Variants in EPHA5 observed in about 807,000 individuals in gnomAD.
EPHA5 encodes EPH receptor A5.
Under a neutral mutation model 105.0 loss-of-function variants are expected in EPHA5, and 60 were observed. The observed-to-expected ratio is 0.57, with a 90% confidence interval of 0.46 to 0.71. The LOEUF is 0.71. EPHA5 is among the 30% of genes least tolerant of loss of function. EPHA5 has a pLI of 0.00. For synonymous variants in EPHA5, 513 were observed against 449.1 expected, an observed-to-expected ratio of 1.14 and a Z score of -1.80; for missense variants, 1,218 against 1,274.7, an observed-to-expected ratio of 0.96 and a Z score of 0.68.
chr4:65,646,604 A>C (rs1384462847), intron 1 of EPHA5, among the ~76,000 whole-genome samples: 1 of 152,180 alleles, frequency 6.6e-6, no homozygotes, highest in Non-Finnish European at 1.5e-5. Context: ...CAAAGTTAAG[A>C]AACCCTGTTA....
At chr4:65,492,053 A>T (rs1323271827) in intron 4 of EPHA5, among the ~76,000 whole-genome samples, 1 of 152,168 alleles carries the variant, frequency 6.6e-6, no homozygotes, top group Non-Finnish European at 1.5e-5. Flanking sequence ...GCTACTTAGG[A>T]TGATCTGTTA....
intron 1 of EPHA5, among the ~76,000 whole-genome samples, chr4:65,658,040 A>G (rs1749227104): frequency 6.6e-6 from 1 of 151,988 alleles, no homozygotes; most frequent in Middle Eastern, 3.4e-3. Flanking sequence ...TACTTTTTAC[A>G]GGGATCTCTA....
chr4:65,435,560 TAAGGGTTTATAAACA>T (rs1725397081), intron 5 of EPHA5, among the ~76,000 whole-genome samples: 1 of 152,032 alleles, frequency 6.6e-6, no homozygotes, highest in Admixed American at 6.6e-5. Flanking sequence ...CCAGATAAAT[TAAGGGTTTATAAACA>T]AAGCACTTGT....
chr4:65,367,789 A>C (rs1449685620), intron 8 of EPHA5, among the ~76,000 whole-genome samples: 1 of 151,968 alleles, frequency 6.6e-6, no homozygotes, highest in Non-Finnish European at 1.5e-5. Flanking sequence ...TGAACTGCCC[A>C]AAAATGTGTG....
At chr4:65,510,368 C>A (rs1733500686) in intron 3 of EPHA5, among the ~76,000 whole-genome samples, 2 of 151,992 alleles carry the variant, frequency 1.3e-5, no homozygotes, top group South Asian at 4.1e-4. Context: ...GTTAGCAAGA[C>A]TTTAATTTAC....
chr4:65,387,136 G>A (rs1720177074), intron 8 of EPHA5, among the ~76,000 whole-genome samples: 1 of 151,936 alleles, frequency 6.6e-6, no homozygotes, highest in Non-Finnish European at 1.5e-5. Context: ...ACAATGCAGT[G>A]GGGGCGGGGG....
chr4:65,536,960 G>GTT (rs1050202983), intron 3 of EPHA5, among the ~76,000 whole-genome samples: 12 of 151,754 alleles, frequency 7.9e-5, no homozygotes, highest in African/African-American at 2.7e-4. Flanking sequence ...TGACAACCCA[G>GTT]TTTTACATCC....
chr4:65,492,986 T>G (rs62299165), intron 4 of EPHA5, among the ~76,000 whole-genome samples: 1 of 59,742 alleles, frequency 1.7e-5, no homozygotes, highest in Non-Finnish European at 3.4e-5. Flanking sequence ...CTGTTTTGTT[T>G]TGTTTTGTTT....
chr4:65,423,993 C>T (rs767607513), intron 5 of EPHA5, among the ~76,000 whole-genome samples: 19 of 151,870 alleles, frequency 1.3e-4, no homozygotes, highest in Non-Finnish European at 1.8e-4. Context: ...ACTGATGTTG[C>T]GAACTCTAAT....
At chr4:65,410,913 G>C (rs1722849476) in intron 7 of EPHA5, among the ~76,000 whole-genome samples, 1 of 152,094 alleles carries the variant, frequency 6.6e-6, no homozygotes, top group Non-Finnish European at 1.5e-5. Context: ...GGCATGTAAA[G>C]GTTAAGATAG....
intron 5 of EPHA5, among the ~76,000 whole-genome samples, chr4:65,468,705 A>G (rs1316383104): frequency 7.0e-6 from 1 of 142,804 alleles, no homozygotes; most frequent in Non-Finnish European, 1.5e-5. Flanking sequence ...ATATATATAT[A>G]TAAAACAAGG....
At chr4:65,646,574 G>A (rs61482054) in intron 1 of EPHA5, among the ~76,000 whole-genome samples, 25,015 of 152,004 alleles carry the variant, frequency 0.16, 2,371 homozygotes, top group Non-Finnish European at 0.21. Context: ...AGAATTATCT[G>A]GCCAAAATTT....
intron 5 of EPHA5, among the ~76,000 whole-genome samples, chr4:65,435,196 A>C (rs1725363800): frequency 6.6e-6 from 1 of 152,110 alleles, no homozygotes; most frequent in African/African-American, 2.4e-5. Flanking sequence ...CTACACATTA[A>C]ATTTCACCTC....
intron 3 of EPHA5, among the ~76,000 whole-genome samples, chr4:65,508,168 A>T (rs2149254991): frequency 6.6e-6 from 1 of 152,254 alleles, no homozygotes; most frequent in African/African-American, 2.4e-5. Context: ...CACAGTTTAA[A>T]TATAAGCTGG....
At chr4:65,499,671 T>G (rs1340683729) in intron 3 of EPHA5, among the ~76,000 whole-genome samples, 1 of 151,568 alleles carries the variant, frequency 6.6e-6, no homozygotes, top group East Asian at 1.9e-4. Flanking sequence ...TTCCAAGTAA[T>G]ATTTAAAAAC....
At chr4:65,512,498 G>A (rs1733719756) in intron 3 of EPHA5, among the ~76,000 whole-genome samples, 1 of 151,994 alleles carries the variant, frequency 6.6e-6, no homozygotes, top group Non-Finnish European at 1.5e-5. Context: ...TTTTGGTGCT[G>A]TTTTTGTGAC....
chr4:65,619,668 CAGAA>C (rs1267962968), intron 2 of EPHA5, among the ~76,000 whole-genome samples: 2 of 152,074 alleles, frequency 1.3e-5, no homozygotes, highest in African/African-American at 4.8e-5. Context: ...TTCAGGCTGA[CAGAA>C]TTAAACATTC....
chr4:65,515,216 T>C (rs1310399840), intron 3 of EPHA5, among the ~76,000 whole-genome samples: 1 of 152,186 alleles, frequency 6.6e-6, no homozygotes, highest in Non-Finnish European at 1.5e-5. Flanking sequence ...ATCTATTACT[T>C]AAAGCTATAA....
chr4:65,520,316 C>A lies in EPHA5; in HGVS notation c.911-24773G>T, dbSNP rs573380368. 1.7e-3 allele frequency among the ~76,000 whole-genome samples: 255 copies of A among 151,916 alleles called. 2 individuals carry two copies. Among genetic ancestry groups the A allele is most frequent in the African/African-American group, 5.8e-3 (241 of 41,388 alleles). ...TCAATAAATGGTGCTGGGAAAACTG[C>A]CTAGCCATATGTCGAAAGCTGAAAC... On this transcript the variant is annotated intron_variant, in intron 3 of 16. Transcript: ENST00000613740.
Sources: allele counts gnomAD v4.1 joint callset (sites outside exome capture counted in the v4.1 genomes callset), GRCh38; gene constraint gnomAD v4.1.1; transcripts MANE v1.5; gene names NCBI Gene and HGNC (gene_info 2026-07-23, HGNC 2026-07-21).